The following RPS6KC1 variants were observed in gnomAD, a reference collection of about 807,000 sequenced individuals.
The protein encoded by RPS6KC1 is inactive ribosomal protein S6 kinase delta-1.
Under a neutral mutation model 103.8 loss-of-function variants are expected in RPS6KC1, and 54 were observed. The ratio of observed to expected loss-of-function variants is 0.52; its 90% CI spans 0.42 to 0.65. RPS6KC1 has a LOEUF of 0.65. Among genes scored for constraint, RPS6KC1 ranks in the 30% least tolerant of loss-of-function variants. The pLI, the probability that RPS6KC1 is intolerant of heterozygous loss-of-function variation, is 0.00. For synonymous variants in RPS6KC1, 439 were observed against 438.7 expected, an observed-to-expected ratio of 1.00 and a Z score of -0.01; for missense variants, 1,151 against 1,253.8, an observed-to-expected ratio of 0.92 and a Z score of 1.24.
the RPS6KC1 span, among the ~76,000 whole-genome samples, chr1:213,704,375 G>A: frequency 6.5e-5 from 7 of 107,984 alleles, no homozygotes; most frequent in African/African-American, 2.6e-4. Flanking sequence ...GCGACAGCGA[G>A]ACTCCGTCTC....
chr1:213,533,875 GA>G, the RPS6KC1 span, among the ~76,000 whole-genome samples: 1 of 152,202 alleles, frequency 6.6e-6, no homozygotes, highest in African/African-American at 2.4e-5. Context: ...TGTCCCAGGG[GA>G]AGCTGAGGAA....
chr1:213,073,485 G>A (rs1221146770), intron 2 of RPS6KC1, among the ~76,000 whole-genome samples: 1 of 152,018 alleles, frequency 6.6e-6, no homozygotes, highest in Non-Finnish European at 1.5e-5. Flanking sequence ...AAGAAGAGAT[G>A]GTTTTGCTCC....
At chr1:213,157,198 G>A (rs1304615204) in intron 6 of RPS6KC1, among the ~76,000 whole-genome samples, 1 of 151,214 alleles carries the variant, frequency 6.6e-6, no homozygotes, top group Non-Finnish European at 1.5e-5. Flanking sequence ...AAATATATGT[G>A]AATTTTCCAA....
chr1:213,189,293 AC>A (rs973551305), intron 8 of RPS6KC1, among the ~76,000 whole-genome samples: 32 of 152,022 alleles, frequency 2.1e-4, no homozygotes, highest in African/African-American at 7.5e-4. Context: ...TACTAAAAAT[AC>A]AAAAATTAGC....
the RPS6KC1 span, among the ~76,000 whole-genome samples, chr1:213,484,018 C>T: frequency 0.05 from 7,552 of 152,242 alleles, 610 homozygotes; most frequent in African/African-American, 0.16. Context: ...AAAATGCTGT[C>T]TTCCTAGAAT....
chr1:213,635,490 T>G, the RPS6KC1 span, among the ~76,000 whole-genome samples: 2 of 152,052 alleles, frequency 1.3e-5, no homozygotes, highest in African/African-American at 4.8e-5. Flanking sequence ...ACATAATCCA[T>G]CACATAAACA....
intron 7 of RPS6KC1, among the ~76,000 whole-genome samples, chr1:213,168,971 A>G (rs550027012): frequency 1.3e-5 from 2 of 152,288 alleles, no homozygotes; most frequent in South Asian, 2.1e-4. Context: ...ATTGGACAAG[A>G]TACTTAATCC....
At chr1:213,590,863 ACTT>A in the RPS6KC1 span, among the ~76,000 whole-genome samples, 1 of 152,128 alleles carries the variant, frequency 6.6e-6, no homozygotes, top group Non-Finnish European at 1.5e-5. Flanking sequence ...CTTCAGAGCC[ACTT>A]CTTTATATAT....
intron 12 of RPS6KC1, among the ~76,000 whole-genome samples, chr1:213,245,314 C>T (rs921065449): frequency 2.0e-5 from 3 of 151,942 alleles, no homozygotes; most frequent in African/African-American, 7.3e-5. Flanking sequence ...ATTGTTTAAC[C>T]ACCTTTTGAT....
chr1:213,083,142 C>G (rs2080057558), intron 3 of RPS6KC1, among the ~76,000 whole-genome samples: 1 of 152,056 alleles, frequency 6.6e-6, no homozygotes, highest in Non-Finnish European at 1.5e-5. Context: ...GACTGACAAG[C>G]AGAAAAGCAG....
the RPS6KC1 span, among the ~76,000 whole-genome samples, chr1:213,547,856 T>C: frequency 6.6e-6 from 1 of 152,220 alleles, no homozygotes; most frequent in Non-Finnish European, 1.5e-5. Flanking sequence ...CTGGCATAAC[T>C]GTGAGCCAAA....
chr1:213,795,337 G>A, the RPS6KC1 span, among the ~76,000 whole-genome samples: 1 of 152,190 alleles, frequency 6.6e-6, no homozygotes, highest in African/African-American at 2.4e-5. Context: ...ACAGAGTTCA[G>A]GGTGTGAATC....
the RPS6KC1 span, among the ~76,000 whole-genome samples, chr1:213,635,753 TG>T: frequency 6.6e-6 from 1 of 152,186 alleles, no homozygotes; most frequent in African/African-American, 2.4e-5. Flanking sequence ...AACATAGTGT[TG>T]GAAGTTCTGG....
intron 4 of RPS6KC1, among the ~76,000 whole-genome samples, chr1:213,108,282 A>G (rs2082681760): frequency 6.6e-6 from 1 of 152,192 alleles, no homozygotes; most frequent in Non-Finnish European, 1.5e-5. Flanking sequence ...GTGTGAAGGA[A>G]CGGTCTAAAT....
intron 4 of RPS6KC1, among the ~76,000 whole-genome samples, chr1:213,112,741 A>C (rs143005205): frequency 6.7e-6 from 1 of 150,152 alleles, no homozygotes; most frequent in South Asian, 2.1e-4. Flanking sequence ...CAGTCCCCAG[A>C]GTGTGATGTT....
At chr1:213,502,986 C>T in the RPS6KC1 span, among the ~76,000 whole-genome samples, 3 of 151,910 alleles carry the variant, frequency 2.0e-5, no homozygotes, top group East Asian at 1.9e-4. Context: ...ATTCTATTCC[C>T]GTAATCAAGC....
chr1:213,246,256 G>T (rs1339039966), intron 12 of RPS6KC1, among the ~76,000 whole-genome samples: 1 of 151,998 alleles, frequency 6.6e-6, no homozygotes, highest in African/African-American at 2.4e-5. Context: ...CATCATTCAT[G>T]GTAAATGGGT....
the RPS6KC1 span, among the ~76,000 whole-genome samples, chr1:213,317,569 A>G: frequency 5.2e-4 from 79 of 152,294 alleles, no homozygotes; most frequent in Admixed American, 3.9e-3. Context: ...TCCAAATACA[A>G]TCACATTAGG....
chr1:213,776,416 A>C, the RPS6KC1 span, among the ~76,000 whole-genome samples: 1 of 152,222 alleles, frequency 6.6e-6, no homozygotes, highest in African/African-American at 2.4e-5. Context: ...ATCTCCTTGT[A>C]TGTCTCCATC....
Sources: gnomAD v4.1 joint callset for allele counts (sites outside exome capture counted in the v4.1 genomes callset) on GRCh38, gnomAD v4.1.1 for gene constraint, MANE v1.5 for transcripts, NCBI Gene and HGNC (gene_info 2026-07-23, HGNC 2026-07-21) for gene names.